PIK3C2G: variants seen among roughly 807,000 people sequenced by gnomAD.
The protein encoded by PIK3C2G is phosphatidylinositol-4-phosphate 3-kinase catalytic subunit type 2 gamma.
In PIK3C2G, 168 loss-of-function variants were observed where a neutral mutation model predicts 181.1. That is an observed-to-expected ratio of 0.93 (90% CI 0.82 to 1.05). PIK3C2G has a LOEUF of 1.05. Among genes scored for constraint, PIK3C2G ranks in the 50% least tolerant of loss-of-function variants. The pLI is 0.00. For missense variants in PIK3C2G, 1,869 were observed against 1,732.8 expected (o/e 1.08, Z -1.40); for synonymous variants, 573 against 592.2 (o/e 0.97, Z 0.47).
intron 14 of PIK3C2G, among the ~76,000 whole-genome samples, chr12:18,383,775 G>T (rs942639630): frequency 6.6e-6 from 1 of 151,580 alleles, no homozygotes; most frequent in Admixed American, 6.6e-5. Flanking sequence ...CAGGAAGATC[G>T]GATATGTGAA....
chr12:18,700,896 AG>A, the PIK3C2G span, among the ~76,000 whole-genome samples: 20 of 152,276 alleles, frequency 1.3e-4, no homozygotes, highest in African/African-American at 4.6e-4. Flanking sequence ...ACTTGGGACC[AG>A]GGAAATTACG....
chr12:18,493,134 C>A (rs561365564), intron 20 of PIK3C2G: 2 of 152,208 alleles, frequency 1.3e-5, no homozygotes, highest in African/African-American at 2.4e-5. Context: ...TCAACAGAAA[C>A]CTTATCAACT....
In PIK3C2G at chr12:18,420,793, T is replaced by C. The variant is rs1945437783; in HGVS notation, c.2316-148T>C. The C allele has an allele frequency of 9.7e-6, 5 of 515,008 alleles. No individual in the cohort carries two copies. The East Asian group carries it at 1.6e-4, about 17-fold the overall frequency. The allele number at this position is 515,008 out of a possible 1,614,324, so 31.9% of individuals were successfully genotyped here. On this transcript the variant is annotated intron_variant, in intron 16 of 32. Transcript: ENST00000538779. ...ATAGAATATGAAAAAATAAGAATTA[T>C]TTGGTGCTAATATTACCTTAATCGA...
At chr12:18,459,016 C>G (rs1006943729) in intron 18 of PIK3C2G, among the ~76,000 whole-genome samples, 2 of 151,936 alleles carry the variant, frequency 1.3e-5, no homozygotes, top group African/African-American at 2.4e-5. Context: ...CTTATGATAC[C>G]CTGAGTAGAG....
chr12:18,375,592 T>C (rs991620908), intron 13 of PIK3C2G, among the ~76,000 whole-genome samples: 4 of 152,222 alleles, frequency 2.6e-5, no homozygotes, highest in African/African-American at 7.2e-5. Context: ...AGGAGAGAAG[T>C]TGAAATGGAC....
chr12:18,375,659 T>C (rs1369096819), intron 13 of PIK3C2G, among the ~76,000 whole-genome samples: 2 of 152,196 alleles, frequency 1.3e-5, no homozygotes, highest in Non-Finnish European at 1.5e-5. Flanking sequence ...CAGGTGCTAA[T>C]AGCCAAGAAA....
chr12:18,560,871 A>G (rs1420178621), intron 26 of PIK3C2G, among the ~76,000 whole-genome samples: 1 of 152,176 alleles, frequency 6.6e-6, no homozygotes, highest in Non-Finnish European at 1.5e-5. Context: ...AGAAAGAGAA[A>G]CTTCCTTTAA....
At chr12:18,274,953 T>C (rs1204887619) in intron 1 of PIK3C2G, among the ~76,000 whole-genome samples, 1 of 152,218 alleles carries the variant, frequency 6.6e-6, no homozygotes, top group Non-Finnish European at 1.5e-5. Flanking sequence ...ATGTTATATA[T>C]TTAATTCTCA....
intron 14 of PIK3C2G, among the ~76,000 whole-genome samples, chr12:18,382,569 C>A (rs749912462): frequency 5.9e-5 from 9 of 152,114 alleles, no homozygotes; most frequent in Non-Finnish European, 1.2e-4. Context: ...CTGGGCAGCA[C>A]CCTCTAGAAC....
intron 5 of PIK3C2G, among the ~76,000 whole-genome samples, chr12:18,299,049 T>A (rs111789421): frequency 0.018 from 2,766 of 152,066 alleles, 74 homozygotes; most frequent in African/African-American, 0.062. Context: ...TTTACTTCCA[T>A]ACAAATTTTT....
At chr12:18,506,463 G>A (rs541221463) in intron 24 of PIK3C2G, among the ~76,000 whole-genome samples, 1 of 152,292 alleles carries the variant, frequency 6.6e-6, no homozygotes, top group Admixed American at 6.5e-5. Flanking sequence ...GACCAGTAAA[G>A]GTAGAAGTAG....
Position 18,338,469 on chromosome 12 carries a change from G to T in PIK3C2G, c.1316G>T (p.Ser439Ile). 1 of 1,576,320 alleles carries T rather than the reference G, an allele frequency of 6.3e-7. No individual in the cohort carries two copies. The highest frequency in any genetic ancestry group is 1.1e-5 in the South Asian group (1 of 89,518). Residue 439 changes from serine (S) to isoleucine (I), a missense_variant, in exon 9 of 33, where the codon AGT (serine) becomes ATT (isoleucine). Transcript: ENST00000538779. ...NIIEEVKKIC[S>I]VLGCVETKQI... ...ATTGAAGAAGTTAAAAAAATATGCA[G>T]TGTTCTAGGGTGTGTGGAAACCAAA...
intron 16 of PIK3C2G, among the ~76,000 whole-genome samples, chr12:18,402,537 T>C (rs1944303749): frequency 6.6e-6 from 1 of 152,190 alleles, no homozygotes; most frequent in African/African-American, 2.4e-5. Context: ...TAAAGGTGTT[T>C]AAAATTTTTG....
At chr12:18,283,649 A>C (rs2137134175) in intron 2 of PIK3C2G, among the ~76,000 whole-genome samples, 1 of 152,322 alleles carries the variant, frequency 6.6e-6, no homozygotes, top group Middle Eastern at 3.4e-3. Flanking sequence ...CAGGTGGAGT[A>C]AGTGCATAGG....
intron 30 of PIK3C2G, among the ~76,000 whole-genome samples, chr12:18,600,713 T>A (rs1350065256): frequency 6.6e-6 from 1 of 152,044 alleles, no homozygotes; most frequent in Non-Finnish European, 1.5e-5. Context: ...CTGAAATTGA[T>A]AATTTTCTAG....
At chr12:18,609,299 G>T (rs186813975) in intron 30 of PIK3C2G, among the ~76,000 whole-genome samples, 2 of 152,122 alleles carry the variant, frequency 1.3e-5, no homozygotes, top group East Asian at 3.9e-4. Context: ...GAAAATAATG[G>T]TATCAATCAA....
chr12:18,418,137 A>C (rs1056931963), intron 16 of PIK3C2G, among the ~76,000 whole-genome samples: 3 of 152,224 alleles, frequency 2.0e-5, no homozygotes, highest in East Asian at 1.9e-4. Context: ...CAGTTGAATT[A>C]GTCAGTAGTT....
chr12:18,371,660 G>A (rs1448588335), intron 13 of PIK3C2G, among the ~76,000 whole-genome samples: 1 of 152,102 alleles, frequency 6.6e-6, no homozygotes, highest in South Asian at 2.1e-4. Context: ...TGTAAGTCAT[G>A]GAATTCTGGC....
upstream of PIK3C2G, among the ~76,000 whole-genome samples, chr12:18,257,483 A>G (rs1202656219): frequency 6.6e-6 from 1 of 152,146 alleles, no homozygotes; most frequent in Admixed American, 6.6e-5. Context: ...ACAATCCACT[A>G]TAAAAGCAAT....
Sources: gnomAD v4.1 joint callset for allele counts (sites outside exome capture counted in the v4.1 genomes callset) on GRCh38, gnomAD v4.1.1 for gene constraint, MANE v1.5 for transcripts, NCBI Gene and HGNC (gene_info 2026-07-23, HGNC 2026-07-21) for gene names.